Variants in DLG5 observed in about 807,000 individuals in gnomAD.
DLG5 encodes the protein discs large MAGUK scaffold protein 5.
In DLG5, 48 loss-of-function variants were observed where a neutral mutation model predicts 189.8. The ratio of observed to expected loss-of-function variants is 0.25; its 90% CI spans 0.20 to 0.32. The LOEUF (loss-of-function observed/expected upper bound fraction) is 0.32. DLG5 is among the 10% of genes least tolerant of loss of function. The probability of loss-of-function intolerance (pLI) is 1.00; values close to 1 mark genes in which losing one functional copy is unlikely to be tolerated. For missense variants in DLG5, 2,160 were observed against 2,544.7 expected (o/e 0.85, Z 3.25); for synonymous variants, 1,016 against 1,054.1 (o/e 0.96, Z 0.70).
At chr10:77,871,172 A>T (rs1049252455) in intron 1 of DLG5, among the ~76,000 whole-genome samples, 9 of 152,086 alleles carry the variant, frequency 5.9e-5, no homozygotes, top group Admixed American at 5.9e-4. Flanking sequence ...AAGGGATTAG[A>T]TTTGTTCTTG....
At chr10:77,904,373 T>C (rs1846014404) in intron 1 of DLG5, among the ~76,000 whole-genome samples, 1 of 152,086 alleles carries the variant, frequency 6.6e-6, no homozygotes, top group South Asian at 2.1e-4. Flanking sequence ...GGATTAATTC[T>C]GAAATGAGTT....
At chr10:77,837,850 G>A (rs1010609819) in intron 7 of DLG5, among the ~76,000 whole-genome samples, 11 of 152,328 alleles carry the variant, frequency 7.2e-5, no homozygotes, top group Middle Eastern at 3.4e-3. Context: ...GGCGTGGGAA[G>A]AGATGGGCTA....
At position 77,792,128 on chromosome 10, in the gene DLG5, T is replaced by A; in HGVS notation, c.*312A>T. ...TACTTAGAAAAGGCTTGTAAACGAG[T>A]GATCCGAAAGGTTCTCTTTGCAGCA... On this transcript the variant is annotated 3_prime_UTR_variant, in exon 32 of 32. Transcript: ENST00000372391. 2.7e-6 allele frequency: 1 copy of A among 372,010 alleles called. No individual in the cohort carries two copies. Among genetic ancestry groups the A allele is most frequent in the Non-Finnish European group, 4.9e-6 (1 of 205,514 alleles). The allele number at this position is 372,010 out of a possible 1,614,324, so 23.0% of individuals were successfully genotyped here.
Position 77,822,074 on chromosome 10 carries a change from C to G in DLG5, c.2410G>C (p.Gly804Arg), listed in dbSNP as rs1303249138. 6.2e-7 allele frequency: 1 copy of G among 1,613,860 alleles called. No individual in the cohort carries two copies. Among genetic ancestry groups the G allele is most frequent in the Non-Finnish European group, 8.5e-7 (1 of 1,179,894 alleles). ...TTGATATTTTCAAAAATGTTCTGGC[C>G]ACTCCACGAGGAGCTCTGAGGGAAT... ...KVFPQSSSWS[G>R]QNIFENIKDS... The change falls in exon 15 of 32, where the codon GGC becomes CGC. Residue 804 changes from glycine to arginine, a missense_variant. Coordinates refer to ENST00000372391, the MANE Select transcript of DLG5 (RefSeq NM_004747.4).
In DLG5 at chr10:77,855,394, A is replaced by G. The variant is rs139112297; in HGVS notation, c.537-1024T>C. On this transcript the variant is annotated intron_variant, in intron 3 of 31. Coordinates refer to ENST00000372391, the MANE Select transcript of DLG5 (RefSeq NM_004747.4). Reference sequence around the variant, plus strand: ...CAAGCTCTGTGGATGATTCTGGTGCATGCTCAAGTTTGAGGACCCTTTTTC... The same window carrying G: ...CAAGCTCTGTGGATGATTCTGGTGCGTGCTCAAGTTTGAGGACCCTTTTTC... Among the ~76,000 whole-genome samples the G allele has an allele frequency of 1.2e-4, 18 of 152,372 alleles. No homozygotes were observed. In the East Asian group the frequency reaches 3.5e-3, roughly 29 times the overall value.
At chr10:77,919,501 A>G (rs937890556) in intron 1 of DLG5, among the ~76,000 whole-genome samples, 1 of 147,796 alleles carries the variant, frequency 6.8e-6, no homozygotes, top group African/African-American at 2.5e-5. Context: ...AACTGGGGGA[A>G]AAAAAAAAAA....
At position 77,829,283 on chromosome 10, in the gene DLG5, AC is replaced by A. The variant is rs2154575892; in HGVS notation, c.2185+71del. On this transcript the variant is annotated intron_variant, in intron 12 of 31. Transcript: ENST00000372391. ...CTGTGAATGAGGTGCTCTAAGGGGCACCCCCGGCCCCTGTCCACAAAAAAGG... is the reference window on the plus strand; with the variant it reads ...CTGTGAATGAGGTGCTCTAAGGGGCACCCCGGCCCCTGTCCACAAAAAAGG... The A allele has an allele frequency of 5.0e-6, 8 of 1,591,526 alleles. No homozygotes were observed. In the South Asian group the frequency reaches 8.9e-5, roughly 18 times the overall value.
chr10:77,854,090 T>G (rs775845328), intron 4 of DLG5, 137 bp downstream of exon 4: 3 of 1,130,122 alleles, frequency 2.7e-6, no homozygotes, highest in Non-Finnish European at 3.7e-6. Context: ...CAAATCCACC[T>G]GCTGTAGGCA....
chr10:77,859,973 T>A (rs1317062670), intron 2 of DLG5, among the ~76,000 whole-genome samples: 1 of 152,222 alleles, frequency 6.6e-6, no homozygotes, highest in African/African-American at 2.4e-5. Context: ...TGCTGAGTCA[T>A]CTGACTGACC....
chr10:77,834,697 G>C (rs1843040166), intron 8 of DLG5, among the ~76,000 whole-genome samples: 1 of 152,106 alleles, frequency 6.6e-6, no homozygotes, highest in African/African-American at 2.4e-5. Flanking sequence ...CAGAGGACTG[G>C]TTCCTACCTC....
chr10:77,877,912 G>A (rs1442216730), intron 1 of DLG5, among the ~76,000 whole-genome samples: 2 of 152,190 alleles, frequency 1.3e-5, no homozygotes, highest in Non-Finnish European at 1.5e-5. Context: ...ACCCAGACAG[G>A]AAATCTGAGC....
chr10:77,835,699 G>T, intron 8 of DLG5, 39 bp downstream of exon 8: 1 of 1,572,916 alleles, frequency 6.4e-7, no homozygotes, highest in Non-Finnish European at 8.6e-7. Flanking sequence ...CTCATCCTGG[G>T]GAGACGCAAG....
chr10:77,909,697 G>A lies in DLG5; in HGVS notation c.304+16520C>T, dbSNP rs145134736. ...AAAATGAGTGGGGGGATACATAGGC[G>A]CATATATACTCACACCCACAGCCCC... On this transcript the variant is annotated intron_variant, in intron 1 of 31. Transcript: ENST00000372391. Among the ~76,000 whole-genome samples, 596 of 152,126 alleles carry A rather than the reference G, an allele frequency of 3.9e-3. 2 individuals carry two copies. Among genetic ancestry groups the A allele is most frequent in the South Asian group, 0.019 (89 of 4,810 alleles).
intron 9 of DLG5, among the ~76,000 whole-genome samples, chr10:77,832,416 G>A (rs78004622): frequency 0.033 from 5,086 of 152,282 alleles, 299 homozygotes; most frequent in African/African-American, 0.12. Context: ...CCAGCAGACA[G>A]GCCCCAGGGC....
At chr10:77,877,005 G>A (rs2154577273) in intron 1 of DLG5, among the ~76,000 whole-genome samples, 1 of 152,098 alleles carries the variant, frequency 6.6e-6, no homozygotes, top group Non-Finnish European at 1.5e-5. Context: ...TGGGATTACA[G>A]GTGTGCGCCA....
At chr10:77,869,797 C>T (rs1463774007) in intron 1 of DLG5, among the ~76,000 whole-genome samples, 2 of 152,118 alleles carry the variant, frequency 1.3e-5, no homozygotes, top group African/African-American at 2.4e-5. Flanking sequence ...TGGTTGTGGA[C>T]ACACAACCAC....
intron 27 of DLG5, among the ~76,000 whole-genome samples, chr10:77,800,518 C>T (rs1036625601): frequency 1.2e-4 from 18 of 151,610 alleles, no homozygotes; most frequent in Admixed American, 2.0e-4. Context: ...GCTGAGAACC[C>T]AGGCACGGGG....
intron 2 of DLG5, among the ~76,000 whole-genome samples, chr10:77,864,446 G>A (rs762269499): frequency 4.6e-5 from 7 of 152,052 alleles, no homozygotes; most frequent in Non-Finnish European, 7.4e-5. Context: ...AGAGCACCAC[G>A]TCATCCTCAC....
chr10:77,918,221 G>A (rs968265291), intron 1 of DLG5, among the ~76,000 whole-genome samples: 5 of 152,088 alleles, frequency 3.3e-5, no homozygotes, highest in Non-Finnish European at 7.4e-5. Flanking sequence ...GACCAGCCTG[G>A]CCAACATGGG....
Sources: allele counts gnomAD v4.1 joint callset (sites outside exome capture counted in the v4.1 genomes callset), GRCh38; gene constraint gnomAD v4.1.1; transcripts MANE v1.5; gene names NCBI Gene and HGNC (gene_info 2026-07-23, HGNC 2026-07-21).